CPT1C: variants seen among roughly 807,000 people sequenced by gnomAD.
CPT1C encodes the protein palmitoyl thioesterase CPT1C.
CPT1C carries 61 observed loss-of-function variants against 97.3 expected under a neutral mutation model. That is an observed-to-expected ratio of 0.63 (90% CI 0.51 to 0.78). The LOEUF is 0.78. CPT1C is among the 30% of genes least tolerant of loss of function. The pLI, the probability that CPT1C is intolerant of heterozygous loss-of-function variation, is 0.00. For synonymous variants in CPT1C, 469 were observed against 447.2 expected (o/e 1.05, Z -0.61); for missense variants, 975 against 1,065.5 (o/e 0.92, Z 1.18).
At chr19:49,697,198 C>G in intron 3 of CPT1C, 128 bp from the exon 4 acceptor site, 1 of 1,165,062 alleles carries the variant, frequency 8.6e-7, no homozygotes, top group East Asian at 2.4e-5. Context: ...TCTCTCTGTT[C>G]CCTACTAGAT....
chr19:49,697,474 C>T lies in CPT1C; in HGVS notation c.281+9C>T, dbSNP rs767338297. On this transcript the variant is annotated intron_variant, in intron 4 of 19. Coordinates refer to ENST00000598293, the MANE Select transcript of CPT1C (RefSeq NM_001199753.2). Reference sequence around the variant, plus strand: ...GAGTTGCTGCCTGACTGGTGAGGTCCCCCCACTCCAGCCCAGTAACCCCCA... The same window carrying T: ...GAGTTGCTGCCTGACTGGTGAGGTCTCCCCACTCCAGCCCAGTAACCCCCA... The T allele has an allele frequency of 7.4e-6, 12 of 1,612,780 alleles. No homozygotes were observed. The highest frequency in any genetic ancestry group is 1.7e-5 in the Admixed American group (1 of 59,868).
In CPT1C at chr19:49,700,735, C is replaced by T. The variant is rs775373311; in HGVS notation, c.333C>T (p.Ala111=). 2.5e-6 allele frequency: 4 copies of T among 1,612,650 alleles called. No homozygotes were observed. The Admixed American group carries it at 6.7e-5, about 27-fold the overall frequency. The part of the protein sequence containing the change: ...LRGVLAAALF[A]SCLWGALIFT... ...GGGTCCTGGCAGCCGCGCTGTTTGC[C>T]TCGTGTTTGTGGGGAGCCCTGATCT... Residue 111 remains alanine (A), a synonymous_variant, in exon 5 of 20, where the codon GCC becomes GCT. Transcript: ENST00000598293.
At chr19:49,710,258 C>A in intron 14 of CPT1C, 62 bp from the exon 15 acceptor site, 13 of 1,542,756 alleles carry the variant, frequency 8.4e-6, no homozygotes, top group Non-Finnish European at 1.2e-5. Context: ...AGCCTTATTC[C>A]TGGCTTTCAC....
intron 3 of CPT1C, among the ~76,000 whole-genome samples, chr19:49,693,118 C>T (rs763152438): frequency 6.6e-6 from 1 of 152,148 alleles, no homozygotes; most frequent in Non-Finnish European, 1.5e-5. Flanking sequence ...GATCTCCTGA[C>T]CTCAAGTGAT....
intron 4 of CPT1C, 153 bp downstream of exon 4, chr19:49,697,618 G>A: frequency 1.1e-6 from 1 of 881,238 alleles, no homozygotes. Context: ...AGAAAAAGGA[G>A]GTGAGGCCGG....
rs749555930 is a variant in CPT1C at position 49,700,794 on chromosome 19, C to A, written c.392C>A (p.Ser131Tyr). The change falls in exon 5 of 20, where the codon TCC (serine) becomes TAC (tyrosine). Residue 131 changes from serine (S) to tyrosine (Y), a missense_variant. Around this residue, in one of 3 missense-constraint regions of CPT1C, gnomAD observed 596 missense variants for 603.1 expected, o/e 0.99. Transcript: ENST00000598293. ...TLHVALRLLL[S>Y]YHGWLLEPHG... is the part of the protein sequence containing the mutation. ...CACGTGGCCCTGAGGCTGCTTCTGT[C>A]CTACCACGGCTGGCTTCTTGAGCCC... The A allele has an allele frequency of 3.1e-6, 5 of 1,613,414 alleles. No homozygotes were observed. The highest frequency in any genetic ancestry group is 4.2e-6 in the Non-Finnish European group (5 of 1,180,040).
chr19:49,704,688 T>C (rs1380605184), intron 7 of CPT1C, 22 bp from the exon 8 acceptor site: 1 of 1,603,132 alleles, frequency 6.2e-7, no homozygotes, highest in Non-Finnish European at 8.5e-7. Flanking sequence ...CCTCACTGTG[T>C]GTCTCCCCAC....
At chr19:49,708,557 G>T (rs914797647) in intron 13 of CPT1C, among the ~76,000 whole-genome samples, 166 bp from the exon 14 acceptor site, 3 of 152,130 alleles carry the variant, frequency 2.0e-5, no homozygotes, top group African/African-American at 7.2e-5. Flanking sequence ...TGTTAGTCCT[G>T]TTCTTGATGA....
rs1310211453 is a variant in CPT1C at position 49,710,386 on chromosome 19, G to A, written c.1633G>A (p.Val545Ile). 1.2e-6 allele frequency: 2 copies of A among 1,614,020 alleles called. No homozygotes were observed. The highest frequency in any genetic ancestry group is 2.7e-5 in the African/African-American group (2 of 74,926). The change falls in exon 15 of 20, where the codon GTC (valine) becomes ATC (isoleucine). Residue 545 changes from valine to isoleucine, a missense_variant. By Grantham distance (29) the Val-to-Ile change is conservative (BLOSUM62 3). Transcript: ENST00000598293. ...KILSENVDCHVVPFSLFGKSF... is the reference protein window; with the variant it reads ...KILSENVDCHIVPFSLFGKSF... ...CTTGTCTGAAAATGTCGACTGCCAT[G>A]TCGTTCCATTCTCCCTATTTGGCAA...
intron 3 of CPT1C, chr19:49,696,456 CTTTT>C (rs66983115): frequency 6.3e-5 from 7 of 111,640 alleles, no homozygotes; most frequent in Non-Finnish European, 1.1e-4. Flanking sequence ...CTTTTCTTTT[CTTTT>C]TTTTTTTTTT....
intron 3 of CPT1C, among the ~76,000 whole-genome samples, chr19:49,696,309 C>T (rs1380020523): frequency 1.3e-5 from 2 of 151,876 alleles, no homozygotes; most frequent in Admixed American, 6.6e-5. Flanking sequence ...CGTTAGTTAT[C>T]TCTCTGAGGC....
intron 4 of CPT1C, among the ~76,000 whole-genome samples, chr19:49,698,849 T>C (rs2082825637): frequency 6.6e-6 from 1 of 152,020 alleles, no homozygotes; most frequent in South Asian, 2.1e-4. Context: ...ACACCTGTAA[T>C]CCCAGCACTT....
intron 4 of CPT1C, among the ~76,000 whole-genome samples, chr19:49,699,881 G>T (rs1012375471): frequency 2.0e-5 from 3 of 152,068 alleles, no homozygotes; most frequent in Non-Finnish European, 4.4e-5. Context: ...TTGAACCCAG[G>T]AGATGGAGGT....
chr19:49,701,769 A>G, intron 7 of CPT1C, 135 bp downstream of exon 7: 1 of 863,272 alleles, frequency 1.2e-6, no homozygotes. Flanking sequence ...AAGGGTCAAT[A>G]CCCTGAGCCC....
rs112761335 is a variant in CPT1C, at chr19:49,705,918, G to A, written c.974G>A (p.Arg325His). ...RIPGVQKDYI[R>H]HLHDSQHVAV... The stretch of plus-strand genomic sequence containing the variant: ...CCAACGCCACCCCTAGACTACATCC[G>A]CCACCTCCATGACAGCCAACACGTG... The change falls in exon 11 of 20, where the codon CGC (arginine) becomes CAC (histidine). Residue 325 changes from arginine (R) to histidine (H), a missense_variant. Arg to His is a conservative substitution (Grantham distance 29). Around this residue, in one of 3 missense-constraint regions of CPT1C, gnomAD observed 596 missense variants for 603.1 expected, o/e 0.99. Coordinates refer to ENST00000598293, the MANE Select transcript of CPT1C (RefSeq NM_001199753.2). 47 of 1,612,676 alleles carry A rather than the reference G, an allele frequency of 2.9e-5. No homozygotes were observed. Among genetic ancestry groups the A allele is most frequent in the African/African-American group, 2.0e-4 (15 of 74,784 alleles).
In CPT1C at chr19:49,706,346, AG is replaced by A; in HGVS notation, c.1279del (p.Glu427ArgfsTer30). 1 of 1,519,980 alleles carries A rather than the reference AG, an allele frequency of 6.6e-7. No individual in the cohort carries two copies. Among genetic ancestry groups the A allele is most frequent in the Non-Finnish European group, 8.8e-7 (1 of 1,139,530 alleles). The allele number at this position is 1,519,980 out of a possible 1,614,324, so 94.2% of individuals were successfully genotyped here. A position where few individuals can be genotyped will look rare whatever the true frequency, so the allele number is the denominator to read the frequency against. ...SLDAEPAGLT[R>X]EDPAASLDAY... ...GGATGCTGAGCCCGCGGGGCTCACC[AG>A]GGAGGACCCGGCAGCGTCGTTGGAT... On this transcript the variant is annotated frameshift_variant, in exon 12 of 20. Coordinates refer to ENST00000598293, the MANE Select transcript of CPT1C (RefSeq NM_001199753.2). LOFTEE classifies it high-confidence loss of function. The surrounding 1 kb of genome is among the most constrained non-coding windows in gnomAD (Gnocchi z 4.8).
rs201971986 is a variant in CPT1C, at chr19:49,706,094, G to C, written c.1150G>C (p.Ala384Pro). 6.2e-7 allele frequency: 1 copy of C among 1,613,186 alleles called. No homozygotes were observed. The highest frequency in any genetic ancestry group is 2.2e-5 in the East Asian group (1 of 44,858). ...PHEEHLAALT[A>P]APRGTWAQVR... Reference sequence around the variant, plus strand: ...CGAGGAACATCTGGCAGCTCTGACAGCTGCTCCCAGGTAAGGGTCAGGGGT... The same window carrying C: ...CGAGGAACATCTGGCAGCTCTGACACCTGCTCCCAGGTAAGGGTCAGGGGT... The change falls in exon 11 of 20, where the codon GCT becomes CCT. Residue 384 changes from alanine (A) to proline (P), a missense_variant. Ala to Pro is a conservative substitution (Grantham distance 27, BLOSUM62 -1). Around this residue, in one of 3 missense-constraint regions of CPT1C, gnomAD observed 596 missense variants for 603.1 expected, o/e 0.99. Coordinates refer to ENST00000598293, the MANE Select transcript of CPT1C (RefSeq NM_001199753.2). This position sits in a 1 kb window ranked among gnomAD's most constrained non-coding sequence, Gnocchi z 4.8.
intron 13 of CPT1C, among the ~76,000 whole-genome samples, chr19:49,707,828 C>T (rs985202738): frequency 2.0e-5 from 3 of 151,548 alleles, no homozygotes; most frequent in Non-Finnish European, 4.4e-5. Flanking sequence ...TAGTGAAACC[C>T]TGCCTCTACT....
At chr19:49,704,038 C>T (rs2083362525) in intron 7 of CPT1C, among the ~76,000 whole-genome samples, 1 of 152,200 alleles carries the variant, frequency 6.6e-6, no homozygotes, top group Non-Finnish European at 1.5e-5. Flanking sequence ...TAAACCGTGA[C>T]ACAGTGCTTT....
Sources: allele counts gnomAD v4.1 joint callset (sites outside exome capture counted in the v4.1 genomes callset), GRCh38; gene constraint gnomAD v4.1.1; regional missense constraint gnomAD v4.1.1; non-coding constraint Gnocchi (gnomAD v3.1); transcripts MANE v1.5; gene names NCBI Gene and HGNC (gene_info 2026-07-23, HGNC 2026-07-21).